PTPRD: variants seen among roughly 807,000 people sequenced by gnomAD.
The protein encoded by PTPRD is protein tyrosine phosphatase receptor type D.
PTPRD carries 34 observed loss-of-function variants against 214.5 expected under a neutral mutation model. The observed-to-expected ratio is 0.16, with a 90% CI of 0.12 to 0.21. The LOEUF (loss-of-function observed/expected upper bound fraction) is 0.21, where lower values mean the gene tolerates loss of function less well. PTPRD is among the 10% of genes least tolerant of loss of function. The probability of loss-of-function intolerance (pLI) is 1.00; values close to 1 mark genes in which losing one functional copy is unlikely to be tolerated. For synonymous variants in PTPRD, 1,128 were observed against 845.7 expected (o/e 1.33, Z -5.79); for missense variants, 2,545 against 2,398.7 (o/e 1.06, Z -1.27).
intron 43 of PTPRD, among the ~76,000 whole-genome samples, chr9:8,333,723 T>C (rs1843750382): frequency 6.6e-6 from 1 of 152,070 alleles, no homozygotes. Context: ...TAAATGTACA[T>C]GGACTAAATG....
At position 10,279,708 on chromosome 9, in the gene PTPRD, G is replaced by GAA. The variant is rs34503009; in HGVS notation, c.-545+61253_-545+61254dup. 2.2e-3 allele frequency among the ~76,000 whole-genome samples: 287 copies of GAA among 131,150 alleles called. 2 individuals carry two copies. The highest frequency in any genetic ancestry group is 6.5e-3 in the African/African-American group (238 of 36,720). 86.0% of individuals were successfully genotyped at this position (131,150 alleles called of 152,430 possible). A position where few individuals can be genotyped will look rare whatever the true frequency, so the allele number is the denominator to read the frequency against. ...GCTTATGAGCATACAGTGCAAAACA[G>GAA]AAAAAAAAAAAAAAGCCTTTCCTCT... On this transcript the variant is annotated intron_variant, in intron 3 of 45. Transcript: ENST00000381196.
At chr9:10,176,857 T>TTA (rs908225588) in intron 3 of PTPRD, among the ~76,000 whole-genome samples, 3 of 152,004 alleles carry the variant, frequency 2.0e-5, no homozygotes, top group African/African-American at 7.2e-5. Flanking sequence ...CTAGTTTTTT[T>TTA]ATCAATAAAG....
chr9:10,551,406 T>C (rs575864062), intron 2 of PTPRD, among the ~76,000 whole-genome samples: 3 of 152,222 alleles, frequency 2.0e-5, no homozygotes, highest in Admixed American at 2.0e-4. Flanking sequence ...GTGCTATGGT[T>C]TGAATGTCTA....
chr9:9,877,713 G>A (rs1452116731), intron 5 of PTPRD, among the ~76,000 whole-genome samples: 2 of 152,028 alleles, frequency 1.3e-5, no homozygotes, highest in East Asian at 1.9e-4. Flanking sequence ...AGTGGCTCAC[G>A]CCTGTAATCC....
At chr9:9,449,084 T>C (rs1317499577) in intron 8 of PTPRD, among the ~76,000 whole-genome samples, 2 of 152,090 alleles carry the variant, frequency 1.3e-5, no homozygotes, top group African/African-American at 4.8e-5. Context: ...TGTCTGAAAT[T>C]ATCTTTACTT....
chr9:9,542,074 A>G (rs1348654644), intron 8 of PTPRD, among the ~76,000 whole-genome samples: 1 of 151,794 alleles, frequency 6.6e-6, no homozygotes, highest in Non-Finnish European at 1.5e-5. Context: ...TGAAAAGATC[A>G]AGAAAAATGA....
chr9:10,380,582 A>G (rs1311552027), intron 2 of PTPRD, among the ~76,000 whole-genome samples: 1 of 152,030 alleles, frequency 6.6e-6, no homozygotes, highest in Non-Finnish European at 1.5e-5. Context: ...TGTGTCCCAC[A>G]GTTTTTATTC....
chr9:9,783,393 A>T (rs193180899), intron 5 of PTPRD, among the ~76,000 whole-genome samples: 64 of 152,280 alleles, frequency 4.2e-4, no homozygotes, highest in Non-Finnish European at 7.4e-4. Flanking sequence ...TCTCTTTTCA[A>T]CAAAAGCTTT....
intron 14 of PTPRD, among the ~76,000 whole-genome samples, chr9:8,531,930 T>C (rs946684536): frequency 6.6e-5 from 10 of 152,118 alleles, no homozygotes; most frequent in African/African-American, 2.4e-4. Context: ...AGCAGTCTAA[T>C]ACATTTTCAT....
chr9:9,895,238 C>A (rs571846354), intron 5 of PTPRD, among the ~76,000 whole-genome samples: 6 of 151,960 alleles, frequency 3.9e-5, no homozygotes, highest in Admixed American at 6.6e-5. Flanking sequence ...ACCAGGAATT[C>A]TGTTTGTTAC....
chr9:9,838,679 G>A (rs548615724), intron 5 of PTPRD, among the ~76,000 whole-genome samples: 12 of 150,748 alleles, frequency 8.0e-5, no homozygotes, highest in Non-Finnish European at 1.0e-4. Context: ...TTTGTCAGAT[G>A]AGTAGGTTGT....
At chr9:10,150,700 A>G (rs982790713) in intron 3 of PTPRD, among the ~76,000 whole-genome samples, 8 of 151,814 alleles carry the variant, frequency 5.3e-5, no homozygotes, top group Non-Finnish European at 1.0e-4. Flanking sequence ...AATCTTTAAA[A>G]AAAAAGAAAC....
chr9:9,988,698 T>C (rs1405565733), intron 4 of PTPRD, among the ~76,000 whole-genome samples: 1 of 152,092 alleles, frequency 6.6e-6, no homozygotes, highest in African/African-American at 2.4e-5. Context: ...TAACAAGTGC[T>C]GTTACATATC....
intron 35 of PTPRD, among the ~76,000 whole-genome samples, chr9:8,424,836 T>A (rs1233228085): frequency 6.6e-6 from 1 of 152,042 alleles, no homozygotes; most frequent in Non-Finnish European, 1.5e-5. Context: ...GTTAAGGAAA[T>A]TTTTTTAGCA....
chr9:8,769,810 A>C (rs1027715964), intron 11 of PTPRD, among the ~76,000 whole-genome samples: 9 of 152,038 alleles, frequency 5.9e-5, no homozygotes, highest in Non-Finnish European at 2.9e-5. Flanking sequence ...CAATTAGAAA[A>C]AAAAAAAAAT....
At chr9:9,348,763 G>A in intron 9 of PTPRD, among the ~76,000 whole-genome samples, 1 of 151,974 alleles carries the variant, frequency 6.6e-6, no homozygotes, top group Non-Finnish European at 1.5e-5. Context: ...GGCTTCTCTT[G>A]AACATTTGTG....
intron 11 of PTPRD, among the ~76,000 whole-genome samples, chr9:8,818,697 T>C (rs929476129): frequency 2.0e-5 from 3 of 152,242 alleles, no homozygotes; most frequent in African/African-American, 7.2e-5. Flanking sequence ...TAGATGTGCT[T>C]CTTACAAGAG....
chr9:10,376,384 T>C (rs779775631), intron 2 of PTPRD, among the ~76,000 whole-genome samples: 7 of 151,626 alleles, frequency 4.6e-5, no homozygotes, highest in Non-Finnish European at 8.8e-5. Flanking sequence ...ATAGAACAAA[T>C]ATGGTTATTT....
intron 22 of PTPRD, 110 bp downstream of exon 22, chr9:8,507,191 A>G (rs1020466820): frequency 2.4e-6 from 3 of 1,253,578 alleles, no homozygotes; most frequent in Non-Finnish European, 3.2e-6. Context: ...AATCTTTTCC[A>G]TCAAGGTCCT....
Sources: allele counts gnomAD v4.1 joint callset (sites outside exome capture counted in the v4.1 genomes callset), GRCh38; gene constraint gnomAD v4.1.1; transcripts MANE v1.5; gene names NCBI Gene and HGNC (gene_info 2026-07-23, HGNC 2026-07-21).